The following SLC60A1 variants were observed in gnomAD, a reference collection of about 807,000 sequenced individuals.
SLC60A1 encodes solute carrier family 60 member 1.
At chr1:205,597,619 C>T in the SLC60A1 span, 1 of 648,324 alleles carries the variant, frequency 1.5e-6, no homozygotes, top group Non-Finnish European at 2.7e-6. Context: ...TGGTCTTGAA[C>T]TCCTGGCCTC....
chr1:205,580,942 C>T, the SLC60A1 span: 2 of 1,609,054 alleles, frequency 1.2e-6, no homozygotes. This position sits in a 1 kb window ranked among gnomAD's most constrained non-coding sequence, Gnocchi z 5.0. Flanking sequence ...CTGGGGTGGG[C>T]CAGGTAGGGA....
At chr1:205,584,251 C>T in the SLC60A1 span, 6 of 1,068,478 alleles carry the variant, frequency 5.6e-6, no homozygotes, top group African/African-American at 9.2e-5. Flanking sequence ...GACAGAGTTT[C>T]ACTCTCGTCG....
the SLC60A1 span, chr1:205,569,235 GTCT>G: frequency 9.6e-6 from 15 of 1,569,244 alleles, no homozygotes; most frequent in East Asian, 2.4e-5. Flanking sequence ...GATCTCCTGG[GTCT>G]TCTTCTCGCA....
chr1:205,594,045 G>A, the SLC60A1 span, among the ~76,000 whole-genome samples: 9 of 152,174 alleles, frequency 5.9e-5, no homozygotes, highest in Non-Finnish European at 1.2e-4. Context: ...GGTGAAAACT[G>A]AGGGCAGAAA....
the SLC60A1 span, chr1:205,602,664 T>C: frequency 6.6e-6 from 1 of 152,398 alleles, no homozygotes; most frequent in Non-Finnish European, 1.5e-5. Context: ...GTTTTAATTA[T>C]ATTTGTAAAT....
the SLC60A1 span, among the ~76,000 whole-genome samples, chr1:205,594,690 A>C: frequency 6.6e-6 from 1 of 151,982 alleles, no homozygotes; most frequent in South Asian, 2.1e-4. Context: ...TCTGCCTGCA[A>C]ATGATCACTC....
chr1:205,583,941 T>C, the SLC60A1 span: 6 of 1,610,660 alleles, frequency 3.7e-6, no homozygotes, highest in Non-Finnish European at 5.1e-6. Context: ...CCTGACCCTC[T>C]GCCTGCTCCC....
At chr1:205,586,303 C>T in the SLC60A1 span, 6 of 1,428,168 alleles carry the variant, frequency 4.2e-6, no homozygotes, top group East Asian at 2.3e-5. Context: ...GGCCTACATT[C>T]TGCCAGCAGG....
the SLC60A1 span, among the ~76,000 whole-genome samples, chr1:205,591,665 C>T: frequency 2.0e-5 from 3 of 152,080 alleles, no homozygotes; most frequent in African/African-American, 4.8e-5. Context: ...TGCCACCACC[C>T]CTCTTCCCCT....
chr1:205,599,091 G>C, the SLC60A1 span: 7 of 1,611,608 alleles, frequency 4.3e-6, no homozygotes, highest in Non-Finnish European at 5.9e-6. Context: ...TCCACGTGAA[G>C]TTTTAATTGT....
the SLC60A1 span, chr1:205,580,635 A>AC: frequency 2.3e-6 from 2 of 852,428 alleles, no homozygotes; most frequent in Non-Finnish European, 3.3e-6. The surrounding 1 kb of genome is among the most constrained non-coding windows in gnomAD (Gnocchi z 5.0). Context: ...CCCCACCCCC[A>AC]CCCGCCACCT....
the SLC60A1 span, among the ~76,000 whole-genome samples, chr1:205,581,746 T>C: frequency 3.1e-4 from 47 of 152,278 alleles, no homozygotes; most frequent in African/African-American, 1.1e-3. The surrounding 1 kb of genome is among the most constrained non-coding windows in gnomAD (Gnocchi z 4.2). Flanking sequence ...TTGCAGTAGG[T>C]GGACTTCTCA....
At chr1:205,586,715 G>GAGAT in the SLC60A1 span, among the ~76,000 whole-genome samples, 1 of 121,276 alleles carries the variant, frequency 8.2e-6, no homozygotes, top group Non-Finnish European at 1.8e-5. Context: ...TTTTTTTTTT[G>GAGAT]AGATAGGGTC....
the SLC60A1 span, chr1:205,598,143 C>T: frequency 9.1e-5 from 30 of 328,258 alleles, no homozygotes; most frequent in African/African-American, 6.2e-4. Flanking sequence ...TGCTGTTTAG[C>T]TCTCAGAGCC....
the SLC60A1 span, among the ~76,000 whole-genome samples, chr1:205,571,363 C>G: frequency 1.5e-4 from 23 of 152,196 alleles, no homozygotes; most frequent in Non-Finnish European, 4.4e-5. Flanking sequence ...AGTGTAAACT[C>G]TGCAGATCAG....
chr1:205,591,262 TG>T, the SLC60A1 span, among the ~76,000 whole-genome samples: 4 of 152,028 alleles, frequency 2.6e-5, no homozygotes, highest in African/African-American at 9.7e-5. Context: ...GCAGATGGAT[TG>T]CTTGAGCCCA....
At chr1:205,575,697 G>C in the SLC60A1 span, among the ~76,000 whole-genome samples, 14 of 152,160 alleles carry the variant, frequency 9.2e-5, no homozygotes, top group Admixed American at 9.2e-4. Flanking sequence ...AGCTCACCTG[G>C]GGGAGAACTC....
At chr1:205,585,069 G>A in the SLC60A1 span, 1 of 1,268,524 alleles carries the variant, frequency 7.9e-7, no homozygotes, top group East Asian at 2.3e-5. This position sits in a 1 kb window ranked among gnomAD's most constrained non-coding sequence, Gnocchi z 4.2. Context: ...GCAAGAGAAA[G>A]AGAGGAGCAT....
At chr1:205,570,717 C>T in the SLC60A1 span, among the ~76,000 whole-genome samples, 1 of 152,180 alleles carries the variant, frequency 6.6e-6, no homozygotes, top group Non-Finnish European at 1.5e-5. Flanking sequence ...TTCAGAAAAT[C>T]TTAAGGACAA....
Sources: gnomAD v4.1 joint callset for allele counts (sites outside exome capture counted in the v4.1 genomes callset) on GRCh38, gnomAD v4.1.1 for gene constraint, Gnocchi (gnomAD v3.1) non-coding constraint, MANE v1.5 for transcripts, NCBI Gene and HGNC (gene_info 2026-07-23, HGNC 2026-07-21) for gene names.